DNAH3: variants seen among roughly 807,000 people sequenced by gnomAD.
DNAH3 encodes dynein axonemal heavy chain 3, also known as axonemal beta dynein heavy chain 3.
DNAH3 carries 332 observed loss-of-function variants against 432.5 expected under a neutral mutation model. The ratio of observed to expected loss-of-function variants is 0.77; its 90% CI spans 0.70 to 0.84. DNAH3 has a LOEUF of 0.84. Ranked by LOEUF, DNAH3 falls within the 40% of genes least tolerant of loss-of-function variation. The pLI is 0.00. For missense variants in DNAH3, 4,861 were observed against 5,114.0 expected (o/e 0.95, Z 1.51); for synonymous variants, 1,956 against 1,900.2 (o/e 1.03, Z -0.76).
intron 1 of DNAH3, among the ~76,000 whole-genome samples, chr16:21,154,910 G>A (rs1298580842): frequency 6.6e-6 from 1 of 151,580 alleles, no homozygotes; most frequent in Non-Finnish European, 1.5e-5. Context: ...CTTAAGAAAG[G>A]ATATAGGCTT....
intron 57 of DNAH3, 32 bp downstream of exon 57, chr16:20,948,451 G>A: frequency 4.4e-6 from 7 of 1,605,054 alleles, no homozygotes; most frequent in Non-Finnish European, 6.0e-6. Flanking sequence ...CCCTGTGGGG[G>A]AAAGAGGTAG....
chr16:21,072,880 T>C (rs909236059), intron 21 of DNAH3, among the ~76,000 whole-genome samples: 3 of 151,394 alleles, frequency 2.0e-5, no homozygotes, highest in Non-Finnish European at 2.9e-5. Context: ...GAGGGGGTGT[T>C]GCTGTGTTAC....
chr16:20,948,429 G>A (rs1236930679), intron 57 of DNAH3, 54 bp downstream of exon 57: 3 of 1,574,024 alleles, frequency 1.9e-6, no homozygotes, highest in Non-Finnish European at 1.7e-6. Context: ...TAGCCATATA[G>A]AGATGACGGA....
At chr16:21,060,428 A>G (rs756839597) in intron 25 of DNAH3, 72 bp from the exon 26 acceptor site, 95 of 1,166,744 alleles carry the variant, frequency 8.1e-5, no homozygotes, top group Non-Finnish European at 1.2e-4. Context: ...GGCAGAACAC[A>G]GCTTTCTCTC....
intron 41 of DNAH3, among the ~76,000 whole-genome samples, chr16:21,018,278 A>G (rs1203623657): frequency 6.6e-6 from 1 of 152,220 alleles, no homozygotes; most frequent in African/African-American, 2.4e-5. Context: ...CACAAAAAGT[A>G]AAGCTATTTG....
At position 20,974,983 on chromosome 16, in the gene DNAH3, T is replaced by TA. The variant is rs542589516; in HGVS notation, c.8259+249dup. On this transcript the variant is annotated intron_variant, in intron 51 of 61. Transcript: ENST00000261383. Reference sequence around the variant, plus strand: ...ACAGATGCACGCCACCACACCTGGCTAGTTTTTTTTTTTTTTTTTTTTTTT... The same window carrying TA: ...ACAGATGCACGCCACCACACCTGGCTAAGTTTTTTTTTTTTTTTTTTTTTTT... Among the ~76,000 whole-genome samples the TA allele has an allele frequency of 5.6e-3, 685 of 121,654 alleles. 5 individuals carry two copies. Among genetic ancestry groups the TA allele is most frequent in the African/African-American group, 0.02 (656 of 32,254 alleles). The allele number at this position is 121,654 out of a possible 152,430, so 79.8% of individuals were successfully genotyped here.
At chr16:21,074,687 C>T (rs2090912181) in intron 21 of DNAH3, among the ~76,000 whole-genome samples, 1 of 152,080 alleles carries the variant, frequency 6.6e-6, no homozygotes, top group African/African-American at 2.4e-5. Flanking sequence ...GCACTCCAGC[C>T]TGGGTGACAG....
At chr16:21,090,705 A>T (rs2091506531) in intron 18 of DNAH3, among the ~76,000 whole-genome samples, 2 of 152,248 alleles carry the variant, frequency 1.3e-5, no homozygotes, top group South Asian at 2.1e-4. Flanking sequence ...TCATAGAAAC[A>T]GAGAGTAGAA....
At chr16:20,987,574 C>G in intron 46 of DNAH3, 119 bp downstream of exon 46, 1 of 1,535,024 alleles carries the variant, frequency 6.5e-7, no homozygotes. Context: ...AAATGCTTAG[C>G]ACAATGCCTA....
At chr16:21,149,704 G>C (rs574000725) in intron 1 of DNAH3, among the ~76,000 whole-genome samples, 1 of 152,288 alleles carries the variant, frequency 6.6e-6, no homozygotes, top group African/African-American at 2.4e-5. Context: ...GTCAAAAACT[G>C]ATGGTTGGAA....
exon 50 of DNAH3, chr16:20,979,363 T>G (rs763909243): frequency 1.2e-6 from 2 of 1,614,040 alleles, no homozygotes; most frequent in Admixed American, 1.7e-5. Context: ...TCTGCAAGCC[T>G]GTCAGGTAGC....
chr16:20,945,567 T>C (rs1327627567), intron 57 of DNAH3, among the ~76,000 whole-genome samples: 1 of 152,012 alleles, frequency 6.6e-6, no homozygotes, highest in Non-Finnish European at 1.5e-5. Context: ...CTTGGCTCAC[T>C]GTAACCTCCG....
chr16:21,154,395 ACT>A (rs893146091), intron 1 of DNAH3, among the ~76,000 whole-genome samples: 17 of 138,226 alleles, frequency 1.2e-4, no homozygotes, highest in African/African-American at 4.4e-4. Context: ...ACACAGCGAG[ACT>A]CTGTCTCAAA....
chr16:21,104,671 G>A (rs2091908599), intron 15 of DNAH3, 77 bp from the exon 16 acceptor site: 2 of 818,844 alleles, frequency 2.4e-6, no homozygotes, highest in South Asian at 1.5e-5. Context: ...TAATTAGACA[G>A]AACAAGAGGT....
At chr16:21,111,883 C>T in intron 13 of DNAH3, 79 bp from the exon 14 acceptor site, 6 of 1,571,260 alleles carry the variant, frequency 3.8e-6, no homozygotes, top group Non-Finnish European at 4.3e-6. Flanking sequence ...CCCTGGCCAA[C>T]CCTAGTCCAA....
intron 56 of DNAH3, among the ~76,000 whole-genome samples, chr16:20,948,985 A>G (rs1477351300): frequency 1.3e-5 from 2 of 152,110 alleles, no homozygotes; most frequent in Admixed American, 6.6e-5. Flanking sequence ...TGGACATCAG[A>G]GAGAAGAGGC....
Position 21,019,747 on chromosome 16 carries a change from T to C in DNAH3, c.5899A>G (p.Ile1967Val), listed in dbSNP as rs193244009. ...AATTTCTTTCTGCTGTCTGCGTTGATGGTGCCAGCCACGGTCCACACCAAG... is the reference window on the plus strand; with the variant it reads ...AATTTCTTTCTGCTGTCTGCGTTGACGGTGCCAGCCACGGTCCACACCAAG... The change falls in exon 41 of 62, where the codon ATC becomes GTC. Residue 1967 changes from isoleucine to valine, a missense_variant. Ile to Val is a conservative substitution (Grantham distance 29). Transcript: ENST00000261383. The C allele has an allele frequency of 1.1e-5, 17 of 1,614,180 alleles. No homozygotes were observed. The East Asian group carries it at 1.3e-4, about 13-fold the overall frequency.
chr16:21,038,361 A>G (rs1056713311), intron 33 of DNAH3, among the ~76,000 whole-genome samples: 1 of 152,076 alleles, frequency 6.6e-6, no homozygotes, highest in South Asian at 2.1e-4. Flanking sequence ...CAGAAAAATT[A>G]AAAAATGAGC....
intron 17 of DNAH3, among the ~76,000 whole-genome samples, 178 bp downstream of exon 17, chr16:21,098,438 C>CAAAAAAAAAAAAAAAAAA (rs57032212): frequency 1.6e-5 from 1 of 62,886 alleles, no homozygotes; most frequent in Non-Finnish European, 3.6e-5. Flanking sequence ...GACCTTGTCT[C>CAAAAAAAAAAAAAAAAAA]AAAAAAAAAA....
Sources: allele counts gnomAD v4.1 joint callset (sites outside exome capture counted in the v4.1 genomes callset), GRCh38; gene constraint gnomAD v4.1.1; transcripts MANE v1.5; gene names NCBI Gene and HGNC (gene_info 2026-07-23, HGNC 2026-07-21).